KIF7: variants seen among roughly 807,000 people sequenced by gnomAD.
KIF7 encodes kinesin family member 7.
In KIF7, 104 loss-of-function variants were observed where a neutral mutation model predicts 135.7. The ratio of observed to expected loss-of-function variants is 0.77; its 90% CI spans 0.65 to 0.90. The LOEUF (loss-of-function observed/expected upper bound fraction) is 0.90. Among genes scored for constraint, KIF7 ranks in the 40% least tolerant of loss-of-function variants. KIF7 has a pLI of 0.00. For missense variants in KIF7, 2,005 were observed against 1,839.1 expected, an observed-to-expected ratio of 1.09 and a Z score of -1.65; for synonymous variants, 883 against 809.4, an observed-to-expected ratio of 1.09 and a Z score of -1.54.
intron 8 of KIF7, among the ~76,000 whole-genome samples, 196 bp downstream of exon 8, chr15:89,645,697 C>T (rs935404662): frequency 2.0e-5 from 3 of 152,140 alleles, no homozygotes; most frequent in African/African-American, 7.2e-5. Flanking sequence ...CCTTGTATCA[C>T]ACTCGCTCCA....
intron 1 of KIF7, among the ~76,000 whole-genome samples, chr15:89,622,135 A>G (rs2141982328): frequency 6.6e-6 from 1 of 151,844 alleles, no homozygotes; most frequent in East Asian, 1.9e-4. Flanking sequence ...ACAGGCACCC[A>G]CCACAACGCC....
downstream of KIF7, chr15:89,624,006 G>T (rs769202857): frequency 6.2e-7 from 1 of 1,613,588 alleles, no homozygotes; most frequent in Non-Finnish European, 8.5e-7. Context: ...CAACTTCATC[G>T]ACTGCCCAGC....
At chr15:89,642,556 T>C in intron 10 of KIF7, 151 bp from the exon 11 acceptor site, 1 of 612,308 alleles carries the variant, frequency 1.6e-6, no homozygotes, top group Non-Finnish European at 2.8e-6. Flanking sequence ...CTTAATATTT[T>C]TCTTCAAATC....
chr15:89,641,944 G>A (rs1299815687), intron 11 of KIF7, among the ~76,000 whole-genome samples: 2 of 152,150 alleles, frequency 1.3e-5, no homozygotes, highest in African/African-American at 4.8e-5. Flanking sequence ...TGCAGGGTAG[G>A]TTTCTTTAGA....
At chr15:89,625,274 G>A, downstream of KIF7, 1 of 1,613,754 alleles carries the variant, frequency 6.2e-7, no homozygotes, top group African/African-American at 1.3e-5. Context: ...GGCCCTTCTA[G>A]TACCCCCTCT....
rs1359736988 is a variant in KIF7, at chr15:89,652,610, G to T, written c.321C>A (p.Ala107=). The change falls in exon 2 of 19, where the codon GCC becomes GCA. Residue 107 remains alanine (A), a synonymous_variant. Transcript: ENST00000394412. ...GSGKTYTMGE[A]SVASLLEDEQ... is the part of the protein sequence containing the mutation. Reference sequence around the variant, plus strand: ...ACGAACAGGGTCACTCACCCACACTGGCCTCCCCCATGGTGTATGTCTTCC... The same window carrying T: ...ACGAACAGGGTCACTCACCCACACTTGCCTCCCCCATGGTGTATGTCTTCC... 2.6e-6 allele frequency: 4 copies of T among 1,524,266 alleles called. No homozygotes were observed. The highest frequency in any genetic ancestry group is 3.5e-6 in the Non-Finnish European group (4 of 1,127,278). 94.4% of individuals were successfully genotyped at this position (1,524,266 alleles called of 1,614,324 possible). A position where few individuals can be genotyped will look rare whatever the true frequency, so the allele number is the denominator to read the frequency against.
chr15:89,650,635 G>A (rs537348022), intron 2 of KIF7, among the ~76,000 whole-genome samples: 4 of 152,078 alleles, frequency 2.6e-5, no homozygotes, highest in Non-Finnish European at 4.4e-5. Flanking sequence ...CTCGTGATCC[G>A]CCGGCCTCAG....
Position 89,648,592 on chromosome 15 carries a change from G to T in KIF7, c.1106C>A (p.Ala369Glu), listed in dbSNP as rs1202169554. ...PEAERPPEET[A>E]SGARGPPRHR... is the part of the protein sequence containing the mutation. Reference sequence around the variant, plus strand: ...CCGTGGCGGACCCCGCGCGCCGCTCGCCGTCTCTTCGGGTGGCCGCTCGGC... The same window carrying T: ...CCGTGGCGGACCCCGCGCGCCGCTCTCCGTCTCTTCGGGTGGCCGCTCGGC... Residue 369 changes from alanine to glutamate, a missense_variant, in exon 5 of 19, where the codon GCG becomes GAG. By Grantham distance (107) the Ala-to-Glu change is moderately radical. Transcript: ENST00000394412. 3 of 1,524,792 alleles carry T rather than the reference G, an allele frequency of 2.0e-6. No homozygotes were observed. The highest frequency in any genetic ancestry group is 2.6e-6 in the Non-Finnish European group (3 of 1,140,164). The allele number at this position is 1,524,792 out of a possible 1,614,324, so 94.5% of individuals were successfully genotyped here. A position where few individuals can be genotyped will look rare whatever the true frequency, so the allele number is the denominator to read the frequency against.
intron 11 of KIF7, 78 bp from the exon 12 acceptor site, chr15:89,633,961 G>T: frequency 6.5e-7 from 1 of 1,530,436 alleles, no homozygotes; most frequent in Non-Finnish European, 9.0e-7. Context: ...CTCAACAAGG[G>T]CAGGCAGATA....
intron 1 of KIF7, among the ~76,000 whole-genome samples, chr15:89,619,295 C>G (rs748763268): frequency 4.3e-5 from 6 of 138,584 alleles, no homozygotes; most frequent in Non-Finnish European, 7.6e-5. Flanking sequence ...GCATGCTCTC[C>G]GCTCACTGCA....
downstream of KIF7, chr15:89,625,817 A>G (rs763021494): frequency 4.6e-5 from 72 of 1,575,984 alleles, no homozygotes; most frequent in Middle Eastern, 3.5e-4. Context: ...CAGTTTCCTC[A>G]TGGTTTCTTT....
rs769797555 is a variant in KIF7 at position 89,647,717 on chromosome 15, A to C, written c.1444-5T>G. ...CTGCTGCGCCCCCTCATCCTCCTATAGGGCAGGGAGAGGGGCTTCAGGGGC... is the reference window on the plus strand; with the variant it reads ...CTGCTGCGCCCCCTCATCCTCCTATCGGGCAGGGAGAGGGGCTTCAGGGGC... On this transcript the variant is annotated splice_region_variant and splice_polypyrimidine_tract_variant and intron_variant, in intron 5 of 18. Coordinates refer to ENST00000394412, the MANE Select transcript of KIF7 (RefSeq NM_198525.3). 1.9e-6 allele frequency: 3 copies of C among 1,558,286 alleles called. No homozygotes were observed. In the South Asian group the frequency reaches 3.5e-5, roughly 18 times the overall value.
At chr15:89,648,931 C>T in intron 4 of KIF7, 43 bp downstream of exon 4, 1 of 1,492,192 alleles carries the variant, frequency 6.7e-7, no homozygotes, top group Non-Finnish European at 8.9e-7. Flanking sequence ...CACTCCCCGC[C>T]TCCCCGGCCC....
chr15:89,626,148 G>GC, downstream of KIF7: 1 of 1,518,268 alleles, frequency 6.6e-7, no homozygotes, highest in Non-Finnish European at 8.9e-7. Flanking sequence ...TTCTAGAGGA[G>GC]CCCCAGGGAG....
intron 1 of KIF7, among the ~76,000 whole-genome samples, chr15:89,620,479 A>G (rs1963406096): frequency 6.6e-6 from 1 of 152,176 alleles, no homozygotes; most frequent in South Asian, 2.1e-4. Context: ...AAGTGCTGGG[A>G]TTACAAGTGT....
intron 1 of KIF7, among the ~76,000 whole-genome samples, chr15:89,618,821 T>C (rs1426873519): frequency 6.6e-6 from 1 of 152,210 alleles, no homozygotes; most frequent in Admixed American, 6.5e-5. Flanking sequence ...CAGCTGGTCA[T>C]GTTGGCATAC....
intron 7 of KIF7, 59 bp from the exon 8 acceptor site, chr15:89,646,085 G>A: frequency 6.2e-7 from 1 of 1,603,730 alleles, no homozygotes; most frequent in Non-Finnish European, 8.5e-7. Context: ...ACCCCACCTT[G>A]CCTGCCCTCC....
At chr15:89,640,318 T>C (rs74943369) in intron 11 of KIF7, among the ~76,000 whole-genome samples, 3 of 122,258 alleles carry the variant, frequency 2.5e-5, no homozygotes, top group Non-Finnish European at 1.9e-5. Flanking sequence ...ATAATAATAA[T>C]AATAACAGTA....
At chr15:89,654,323 T>A (rs1182865061) in intron 1 of KIF7, among the ~76,000 whole-genome samples, 1 of 14,522 alleles carries the variant, frequency 6.9e-5, no homozygotes, top group Non-Finnish European at 1.5e-4. Context: ...ATTCAAAATA[T>A]TAAGGGGAAA....
Sources: gnomAD v4.1 joint callset for allele counts (sites outside exome capture counted in the v4.1 genomes callset) on GRCh38, gnomAD v4.1.1 for gene constraint, MANE v1.5 for transcripts, NCBI Gene and HGNC (gene_info 2026-07-23, HGNC 2026-07-21) for gene names.